DNAJC6: variants seen among roughly 807,000 people sequenced by gnomAD.
The protein encoded by DNAJC6 is DnaJ heat shock protein family (Hsp40) member C6.
DNAJC6 carries 34 observed loss-of-function variants against 110.0 expected under a neutral mutation model. The observed-to-expected ratio is 0.31, with a 90% confidence interval of 0.24 to 0.41. The LOEUF (loss-of-function observed/expected upper bound fraction) is 0.41. Among genes scored for constraint, DNAJC6 ranks in the 10% least tolerant of loss-of-function variants. DNAJC6 has a pLI of 1.00. For missense variants in DNAJC6, 1,031 were observed against 1,207.8 expected, an observed-to-expected ratio of 0.85 and a Z score of 2.17; for synonymous variants, 406 against 437.2, an observed-to-expected ratio of 0.93 and a Z score of 0.89.
chr1:65,345,317 T>C (rs1341083775), intron 1 of DNAJC6, among the ~76,000 whole-genome samples: 1 of 151,806 alleles, frequency 6.6e-6, no homozygotes, highest in Non-Finnish European at 1.5e-5. Context: ...AATAAGAAGG[T>C]AGGCATGCAT....
In DNAJC6 at chr1:65,309,723, T is replaced by TTCTC; in HGVS notation, c.-21_-18dup. On this transcript the variant is annotated 5_prime_UTR_variant, in exon 1 of 19. Coordinates refer to ENST00000371069, the MANE Select transcript of DNAJC6 (RefSeq NM_001256864.2). Reference sequence around the variant, plus strand: ...CTTTTCGCTTCCCAGGTTGATTATTTTCTCTTTTCTCCGGGCTTGCCCATG... The same window carrying TTCTC: ...CTTTTCGCTTCCCAGGTTGATTATTTTCTCTCTCTTTTCTCCGGGCTTGCCCATG... 6.5e-7 allele frequency: 1 copy of TTCTC among 1,543,668 alleles called. No individual in the cohort carries two copies. The highest frequency in any genetic ancestry group is 8.7e-7 in the Non-Finnish European group (1 of 1,143,764).
chr1:65,341,430 G>A (rs1645388451), intron 1 of DNAJC6, among the ~76,000 whole-genome samples: 2 of 152,154 alleles, frequency 1.3e-5, no homozygotes, highest in African/African-American at 4.8e-5. Context: ...TTCAGCACCT[G>A]TGAGCTCTGA....
chr1:65,314,532 C>T (rs1183981727), intron 1 of DNAJC6, among the ~76,000 whole-genome samples: 8 of 152,096 alleles, frequency 5.3e-5, no homozygotes, highest in African/African-American at 1.9e-4. Context: ...CTCTGTTGCC[C>T]AGGCTGGAGT....
intron 1 of DNAJC6, among the ~76,000 whole-genome samples, chr1:65,313,128 C>T (rs1469224383): frequency 6.6e-6 from 1 of 152,102 alleles, no homozygotes; most frequent in East Asian, 1.9e-4. Context: ...TCATGGCTCA[C>T]TGCAGTCTGG....
intron 1 of DNAJC6, among the ~76,000 whole-genome samples, chr1:65,349,456 A>G (rs1399428257): frequency 6.6e-6 from 1 of 152,112 alleles, no homozygotes; most frequent in Non-Finnish European, 1.5e-5. Flanking sequence ...TTCATCTGGT[A>G]ACATTGCCCT....
At chr1:65,339,861 G>T (rs1645371996) in intron 1 of DNAJC6, among the ~76,000 whole-genome samples, 1 of 152,176 alleles carries the variant, frequency 6.6e-6, no homozygotes. Flanking sequence ...CCATGGTGGA[G>T]ATTTGAATGT....
intron 1 of DNAJC6, among the ~76,000 whole-genome samples, chr1:65,352,445 T>C (rs886473342): frequency 1.3e-5 from 2 of 149,676 alleles, no homozygotes; most frequent in African/African-American, 4.8e-5. Flanking sequence ...CACTATCCAT[T>C]GTGCCACAGA....
intron 6 of DNAJC6, 125 bp from the exon 7 acceptor site, chr1:65,385,587 A>C (rs1645863569): frequency 1.2e-6 from 1 of 816,162 alleles, no homozygotes; most frequent in African/African-American, 1.7e-5. Flanking sequence ...GTTAATATTT[A>C]AGAAATTGAT....
At chr1:65,327,782 C>T (rs1447274532) in intron 1 of DNAJC6, among the ~76,000 whole-genome samples, 10 of 152,066 alleles carry the variant, frequency 6.6e-5, no homozygotes, top group South Asian at 6.2e-4. Flanking sequence ...ATGATATGCC[C>T]ATATAGTATT....
intron 16 of DNAJC6, 108 bp downstream of exon 16, chr1:65,406,241 CAGTAG>C: frequency 7.0e-7 from 1 of 1,425,102 alleles, no homozygotes; most frequent in Non-Finnish European, 9.5e-7. Flanking sequence ...AGTTTCAATT[CAGTAG>C]TTTCTGAGGG....
At chr1:65,264,752 C>T (rs1044332862) in exon 1 of DNAJC6, 4 of 1,446,768 alleles carry the variant, frequency 2.8e-6, no homozygotes, top group Non-Finnish European at 3.6e-6. Context: ...AAATTATAAC[C>T]CCGCACACCG....
Position 65,384,296 on chromosome 1 carries a change from C to G in DNAJC6, c.770C>G (p.Pro257Arg), listed in dbSNP as rs887072673. The part of the protein sequence containing the change: ...PAIRLLYAKR[P>R]GIGLSPSHRR... ...ATTCGATTGCTATATGCAAAGCGAC[C>G]AGGAATTGGACTTTCACCATCCCAT... Residue 257 changes from proline (P) to arginine (R), a missense_variant, in exon 6 of 19, where the codon CCA becomes CGA. Physicochemically the swap from Pro to Arg is moderately radical, Grantham distance 103. Coordinates refer to ENST00000371069, the MANE Select transcript of DNAJC6 (RefSeq NM_001256864.2). 90 of 1,579,952 alleles carry G rather than the reference C, an allele frequency of 5.7e-5. No individual in the cohort carries two copies. Among genetic ancestry groups the G allele is most frequent in the Non-Finnish European group, 7.5e-5 (88 of 1,165,566 alleles).
At chr1:65,395,087 A>T in intron 13 of DNAJC6, 55 bp downstream of exon 13, 1 of 1,515,988 alleles carries the variant, frequency 6.6e-7, no homozygotes, top group Non-Finnish European at 8.8e-7. Flanking sequence ...GCAAGATATC[A>T]GTAAGTGCTC....
chr1:65,408,928 C>A, intron 17 of DNAJC6, 145 bp downstream of exon 17: 1 of 1,003,382 alleles, frequency 1.0e-6, no homozygotes, highest in Non-Finnish European at 1.4e-6. Flanking sequence ...AACTAGGTGG[C>A]TTATAAACAA....
Position 65,405,969 on chromosome 1 carries a change from G to A in DNAJC6, c.2327G>A (p.Gly776Asp). The stretch of plus-strand genomic sequence containing the variant: ...CAGAAGGCGTCTCCCCAGCCTATGG[G>A]TGGCGGGTGGCAGCAGGGAGGTGCC... ...SPQKASPQPM[G>D]GGWQQGGAYN... Residue 776 changes from glycine (G) to aspartate (D), a missense_variant, in exon 16 of 19, where the codon GGT becomes GAT. Coordinates refer to ENST00000371069, the MANE Select transcript of DNAJC6 (RefSeq NM_001256864.2). The A allele has an allele frequency of 6.2e-7, 1 of 1,614,186 alleles. No homozygotes were observed. The highest frequency in any genetic ancestry group is 1.1e-5 in the South Asian group (1 of 91,078).
intron 1 of DNAJC6, among the ~76,000 whole-genome samples, chr1:65,356,834 G>C (rs1334881): frequency 0.71 from 107,998 of 151,938 alleles, 39,462 homozygotes; most frequent in African/African-American, 0.88. Context: ...GAAAAACCAA[G>C]TTTCAAGTCT....
intron 1 of DNAJC6, among the ~76,000 whole-genome samples, chr1:65,288,432 A>G (rs1421329111): frequency 2.0e-5 from 3 of 152,210 alleles, no homozygotes; most frequent in Admixed American, 1.3e-4. Flanking sequence ...AAGTAAGAAC[A>G]TTGCACAAAT....
intron 4 of DNAJC6, among the ~76,000 whole-genome samples, chr1:65,367,857 T>A (rs1182646152): frequency 1.4e-5 from 2 of 141,906 alleles, no homozygotes; most frequent in Non-Finnish European, 3.0e-5. Flanking sequence ...TTACTTGCCC[T>A]AGAAGAGGAG....
chr1:65,382,729 G>C (rs955735605), intron 5 of DNAJC6, among the ~76,000 whole-genome samples: 2 of 152,202 alleles, frequency 1.3e-5, no homozygotes, highest in Non-Finnish European at 2.9e-5. Context: ...GTTAATAAAA[G>C]CATAGTGTCC....
Sources: allele counts gnomAD v4.1 joint callset (sites outside exome capture counted in the v4.1 genomes callset), GRCh38; gene constraint gnomAD v4.1.1; transcripts MANE v1.5; gene names NCBI Gene and HGNC (gene_info 2026-07-23, HGNC 2026-07-21).